NDUFAF2: variants seen among roughly 807,000 people sequenced by gnomAD.
NDUFAF2 encodes NADH dehydrogenase [ubiquinone] 1 alpha subcomplex assembly factor 2.
In NDUFAF2, 13 loss-of-function variants were observed where a neutral mutation model predicts 22.8. That is an observed-to-expected ratio of 0.57 (90% confidence interval 0.37 to 0.91). The LOEUF is 0.91. Among genes scored for constraint, NDUFAF2 ranks in the 40% least tolerant of loss-of-function variants. The pLI, the probability that NDUFAF2 is intolerant of heterozygous loss-of-function variation, is 0.01. For missense variants in NDUFAF2, 162 were observed against 195.2 expected (o/e 0.83, Z 1.01); for synonymous variants, 53 against 64.2 (o/e 0.83, Z 0.84).
chr5:60,999,773 A>G (rs937175446), intron 1 of NDUFAF2, among the ~76,000 whole-genome samples: 7 of 152,226 alleles, frequency 4.6e-5, no homozygotes, highest in African/African-American at 1.7e-4. Context: ...AATGCTGTCA[A>G]TATCAGTGTC....
chr5:61,011,758 C>T (rs1190976934), intron 1 of NDUFAF2, among the ~76,000 whole-genome samples: 1 of 152,090 alleles, frequency 6.6e-6, no homozygotes, highest in Non-Finnish European at 1.5e-5. Flanking sequence ...TCTTCCCTGG[C>T]AGGTTGTAGA....
At chr5:61,113,883 C>T (rs1270355312) in intron 3 of NDUFAF2, among the ~76,000 whole-genome samples, 1 of 151,996 alleles carries the variant, frequency 6.6e-6, no homozygotes, top group African/African-American at 2.4e-5. Flanking sequence ...AAGATTTCCA[C>T]TGAAAAGTCT....
intron 1 of NDUFAF2, among the ~76,000 whole-genome samples, chr5:61,022,215 C>T (rs1259200090): frequency 1.3e-5 from 2 of 152,160 alleles, no homozygotes; most frequent in African/African-American, 2.4e-5. Flanking sequence ...TTCCAAGTTA[C>T]TTAGTTTTTC....
At chr5:61,037,086 T>A (rs1751809082) in intron 1 of NDUFAF2, among the ~76,000 whole-genome samples, 1 of 152,174 alleles carries the variant, frequency 6.6e-6, no homozygotes, top group African/African-American at 2.4e-5. Flanking sequence ...GACTTTTCTT[T>A]CAGGGATCTT....
chr5:60,998,834 T>A (rs1323722873), intron 1 of NDUFAF2, among the ~76,000 whole-genome samples: 1 of 152,042 alleles, frequency 6.6e-6, no homozygotes, highest in Non-Finnish European at 1.5e-5. Flanking sequence ...GCTAGCTAAC[T>A]TGTTGTTAAG....
intron 2 of NDUFAF2, among the ~76,000 whole-genome samples, chr5:61,079,902 C>A (rs1240788020): frequency 6.6e-6 from 1 of 152,182 alleles, no homozygotes. Flanking sequence ...AACCGAAACT[C>A]AAAGTAGTAA....
intron 1 of NDUFAF2, among the ~76,000 whole-genome samples, chr5:60,999,467 A>C (rs1301090908): frequency 6.6e-6 from 1 of 152,116 alleles, no homozygotes; most frequent in Non-Finnish European, 1.5e-5. Context: ...GAAGCCAGAC[A>C]CAAAAGGGGA....
intron 3 of NDUFAF2, among the ~76,000 whole-genome samples, chr5:61,123,078 T>C (rs1371048261): frequency 1.3e-5 from 2 of 152,188 alleles, no homozygotes; most frequent in Admixed American, 1.3e-4. Context: ...CAGCAGGGAT[T>C]GGGTCCCAGC....
chr5:61,093,469 G>C (rs1272513811), intron 2 of NDUFAF2, among the ~76,000 whole-genome samples: 1 of 152,096 alleles, frequency 6.6e-6, no homozygotes. Flanking sequence ...TAACATGAAG[G>C]GATGCTGATT....
chr5:60,988,098 A>G (rs1751106787), intron 1 of NDUFAF2, among the ~76,000 whole-genome samples: 1 of 152,164 alleles, frequency 6.6e-6, no homozygotes, highest in Admixed American at 6.5e-5. Context: ...AGGATACAAA[A>G]TCAATGTACA....
At chr5:61,147,694 T>C (rs1741163372) in intron 3 of NDUFAF2, among the ~76,000 whole-genome samples, 1 of 152,160 alleles carries the variant, frequency 6.6e-6, no homozygotes. Flanking sequence ...TTAGTCATAT[T>C]TGGCTATGAA....
intron 3 of NDUFAF2, among the ~76,000 whole-genome samples, chr5:61,134,862 A>G (rs192574386): frequency 2.6e-4 from 39 of 152,226 alleles, no homozygotes; most frequent in African/African-American, 8.9e-4. Context: ...TCCTTTTTTA[A>G]AATTTTAAAA....
At chr5:60,983,738 C>G (rs917988226) in intron 1 of NDUFAF2, among the ~76,000 whole-genome samples, 1 of 150,760 alleles carries the variant, frequency 6.6e-6, no homozygotes, top group Non-Finnish European at 1.5e-5. Flanking sequence ...TCTGAGGGCT[C>G]TGTTCTGTTC....
intron 1 of NDUFAF2, among the ~76,000 whole-genome samples, chr5:60,963,378 C>T (rs1463239013): frequency 6.6e-6 from 1 of 152,162 alleles, no homozygotes; most frequent in Non-Finnish European, 1.5e-5. Context: ...AAGTCTGCAA[C>T]TTGCCTTCCC....
chr5:61,002,917 C>T (rs556252412), intron 1 of NDUFAF2, among the ~76,000 whole-genome samples: 2 of 152,180 alleles, frequency 1.3e-5, no homozygotes, highest in South Asian at 2.1e-4. Flanking sequence ...CTTTTATTCC[C>T]TCTTCAGATT....
intron 1 of NDUFAF2, among the ~76,000 whole-genome samples, chr5:60,962,129 A>G (rs867591867): frequency 2.5e-4 from 38 of 152,100 alleles, no homozygotes; most frequent in Middle Eastern, 6.9e-3. Flanking sequence ...ACCACAATCA[A>G]GCTTAGGCAA....
At chr5:61,022,290 C>G (rs1751593765) in intron 1 of NDUFAF2, among the ~76,000 whole-genome samples, 1 of 152,120 alleles carries the variant, frequency 6.6e-6, no homozygotes, top group Non-Finnish European at 1.5e-5. Flanking sequence ...AATATCTTTT[C>G]TCGTAACATA....
intron 3 of NDUFAF2, among the ~76,000 whole-genome samples, chr5:61,100,126 G>A (rs1177081161): frequency 2.0e-5 from 3 of 151,904 alleles, no homozygotes; most frequent in Non-Finnish European, 4.4e-5. Flanking sequence ...CTGTTTTGGG[G>A]GGAAAAAATA....
At chr5:61,042,049 A>G (rs1751890179) in intron 1 of NDUFAF2, among the ~76,000 whole-genome samples, 1 of 152,184 alleles carries the variant, frequency 6.6e-6, no homozygotes, top group Admixed American at 6.5e-5. Context: ...TGTCACTAAT[A>G]CGCTAGAGTC....
Sources: gnomAD v4.1 joint callset for allele counts (sites outside exome capture counted in the v4.1 genomes callset) on GRCh38, gnomAD v4.1.1 for gene constraint, MANE v1.5 for transcripts, NCBI Gene and HGNC (gene_info 2026-07-23, HGNC 2026-07-21) for gene names.